The following PSG2 variants were observed in gnomAD, a reference collection of about 807,000 sequenced individuals.
The protein encoded by PSG2 is pregnancy specific beta-1-glycoprotein 2.
Under a neutral mutation model 36.2 loss-of-function variants are expected in PSG2, and 49 were observed. The observed-to-expected ratio is 1.35, with a 90% CI of 1.08 to 1.72. The LOEUF (loss-of-function observed/expected upper bound fraction) is 1.72, where lower values mean the gene tolerates loss of function less well. PSG2 is among the 40% of genes most tolerant of loss of function. The probability of loss-of-function intolerance (pLI) is 0.00; values close to 1 mark genes in which losing one functional copy is unlikely to be tolerated. For missense variants in PSG2, 605 were observed against 407.2 expected, an observed-to-expected ratio of 1.49 and a Z score of -4.18; for synonymous variants, 261 against 155.6, an observed-to-expected ratio of 1.68 and a Z score of -5.04.
chr19:43,068,355 C>G lies in PSG2; in HGVS notation c.965-1755G>C, dbSNP rs990728848. ...TTGAGAGGCTGAAGAAGGAGAATTG[C>G]TTGAGCCCAGGAGGTTGAGGCTGCA... is the stretch of plus-strand genomic sequence containing the variant. On this transcript the variant is annotated intron_variant, in intron 4 of 5. Coordinates refer to ENST00000406487, the MANE Select transcript of PSG2 (RefSeq NM_031246.4). Among the ~76,000 whole-genome samples, 34 of 150,922 alleles carry G rather than the reference C, an allele frequency of 2.3e-4. 1 individual carries two copies. Among genetic ancestry groups the G allele is most frequent in the Non-Finnish European group, 7.4e-5 (5 of 67,856 alleles).
chr19:43,077,902 G>T lies in PSG2; in HGVS notation c.431-2270C>A, dbSNP rs545922232. ...AGCTTTTTTACTTAGTGTTGGAACC[G>T]AGTGACAAATTCCAAGCTTGTTATA... On this transcript the variant is annotated intron_variant, in intron 2 of 5. Coordinates refer to ENST00000406487, the MANE Select transcript of PSG2 (RefSeq NM_031246.4). 7.3e-4 allele frequency among the ~76,000 whole-genome samples: 111 copies of T among 151,740 alleles called. 3 individuals are homozygous for T. Among genetic ancestry groups the T allele is most frequent in the African/African-American group, 2.6e-3 (105 of 41,130 alleles).
intron 2 of PSG2, among the ~76,000 whole-genome samples, chr19:43,079,444 A>C (rs1967940690): frequency 6.6e-6 from 1 of 151,478 alleles, no homozygotes; most frequent in Non-Finnish European, 1.5e-5. Context: ...TGCATCCAAC[A>C]TCCAGTCTCT....
At chr19:43,069,218 C>G (rs1007355479) in intron 4 of PSG2, among the ~76,000 whole-genome samples, 17 of 123,034 alleles carry the variant, frequency 1.4e-4, no homozygotes, top group Non-Finnish European at 1.9e-5. Context: ...AAGATGACAT[C>G]AATAAATTGA....
At position 43,080,505 on chromosome 19, in the gene PSG2, G is replaced by A. The variant is rs543812751; in HGVS notation, c.430+376C>T. Among the ~76,000 whole-genome samples the A allele has an allele frequency of 1.3e-3, 197 of 151,848 alleles. 4 individuals are homozygous for A. Among genetic ancestry groups the A allele is most frequent in the African/African-American group, 4.5e-3 (186 of 41,238 alleles). On this transcript the variant is annotated intron_variant, in intron 2 of 5. Coordinates refer to ENST00000406487, the MANE Select transcript of PSG2 (RefSeq NM_031246.4). Reference sequence around the variant, plus strand: ...CAGGGTTTGGAGGTTGAGGTTTCTAGGGCTGAGCTTCTCTGAGAGTATCTC... The same window carrying A: ...CAGGGTTTGGAGGTTGAGGTTTCTAAGGCTGAGCTTCTCTGAGAGTATCTC...
chr19:43,077,360 G>C (rs1352707346), intron 2 of PSG2, among the ~76,000 whole-genome samples: 1 of 151,738 alleles, frequency 6.6e-6, no homozygotes. Context: ...GAAGTGATGT[G>C]TGTTATGTTA....
chr19:43,072,572 T>A, intron 3 of PSG2: 1 of 1,611,406 alleles, frequency 6.2e-7, no homozygotes, highest in Non-Finnish European at 8.5e-7. Flanking sequence ...GGCTAATACA[T>A]CCTTATTCTC....
rs770853680 is a variant in PSG2 at position 43,081,101 on chromosome 19, C to T, written c.210G>A (p.Gly70=). The T allele has an allele frequency of 1.6e-5, 25 of 1,612,652 alleles. No individual in the cohort carries two copies. Among genetic ancestry groups the T allele is most frequent in the Non-Finnish European group, 2.0e-5 (24 of 1,179,670 alleles). The change falls in exon 2 of 6, where the codon GGG becomes GGA. Residue 70 remains glycine (G), a synonymous_variant. Transcript: ENST00000406487. The stretch of plus-strand genomic sequence containing the variant: ...TGTAATGGTAGAGGTCCCTGATTTG[C>T]CCTTTGTACCAGATGTAGCCAGTAA... ...QNLTGYIWYK[G]QIRDLYHYIT...
chr19:43,075,473 T>A lies in PSG2; in HGVS notation c.590A>T (p.Glu197Val). 5.0e-6 allele frequency: 8 copies of A among 1,613,190 alleles called. No individual in the cohort carries two copies. Among genetic ancestry groups the A allele is most frequent in the Non-Finnish European group, 6.8e-6 (8 of 1,179,684 alleles). Residue 197 changes from glutamate to valine, a missense_variant, in exon 3 of 6, where the codon GAA (glutamate) becomes GTA (valine). Transcript: ENST00000406487. ...LPMTHRFQLS[E>V]TNRTLFLFGV... The stretch of plus-strand genomic sequence containing the variant: ...AAATAGAAAGAGGGTCCTGTTGGTT[T>A]CGGACAGCTGAAACCTATGAGTCAT...
intron 4 of PSG2, among the ~76,000 whole-genome samples, chr19:43,069,788 T>A: frequency 6.6e-6 from 1 of 151,708 alleles, no homozygotes; most frequent in East Asian, 1.9e-4. Flanking sequence ...TCACAATGAT[T>A]TCCTGGTTGT....
At chr19:43,078,852 G>T (rs1404011544) in intron 2 of PSG2, among the ~76,000 whole-genome samples, 4 of 151,604 alleles carry the variant, frequency 2.6e-5, no homozygotes, top group African/African-American at 9.7e-5. Flanking sequence ...TGGTTGGAGG[G>T]ACTTCCTATC....
At chr19:43,065,229 A>T (rs1057294375) in intron 5 of PSG2, among the ~76,000 whole-genome samples, 12 of 151,588 alleles carry the variant, frequency 7.9e-5, no homozygotes, top group Admixed American at 1.3e-4. Context: ...TATAAATTTA[A>T]TATATAAAAT....
chr19:43,082,392 A>C, intron 1 of PSG2, 114 bp downstream of exon 1: 1 of 1,491,956 alleles, frequency 6.7e-7, no homozygotes, highest in Middle Eastern at 2.1e-4. Context: ...CACCCACCTC[A>C]GCCTCCCTAA....
intron 3 of PSG2, chr19:43,072,637 G>T (rs1253510774): frequency 1.2e-6 from 2 of 1,610,790 alleles, no homozygotes; most frequent in Non-Finnish European, 1.7e-6. Flanking sequence ...TCGCTGTGTG[G>T]ATAACAGAGA....
chr19:43,073,877 G>C (rs1195754382), intron 3 of PSG2, among the ~76,000 whole-genome samples: 1 of 151,722 alleles, frequency 6.6e-6, no homozygotes, highest in Non-Finnish European at 1.5e-5. Context: ...TACTGGTTTA[G>C]CATCCCAAAT....
In PSG2 at chr19:43,072,810, C is replaced by T. The variant is rs192213570; in HGVS notation, c.710-856G>A. 2.2e-3 allele frequency among the ~76,000 whole-genome samples: 331 copies of T among 151,796 alleles called. 9 individuals carry two copies. The highest frequency in any genetic ancestry group is 5.4e-3 in the South Asian group (26 of 4,816). ...TCTAAGGGCTCAAAGACTGTGAGGC[C>T]GCCTGCTCTGTCTTAGGAAAGCACA... On this transcript the variant is annotated intron_variant, in intron 3 of 5. Coordinates refer to ENST00000406487, the MANE Select transcript of PSG2 (RefSeq NM_031246.4).
At chr19:43,067,085 A>C (rs957779982) in intron 4 of PSG2, among the ~76,000 whole-genome samples, 9 of 151,356 alleles carry the variant, frequency 5.9e-5, no homozygotes, top group Non-Finnish European at 1.2e-4. Flanking sequence ...GTGTGAAAGC[A>C]AGCCTAGTTC....
rs768015157 is a variant in PSG2 at position 43,075,571 on chromosome 19, A to T, written c.492T>A (p.Thr164=). 3.7e-6 allele frequency: 6 copies of T among 1,613,300 alleles called. No individual in the cohort carries two copies. The East Asian group carries it at 1.1e-4, about 30-fold the overall frequency. Residue 164 remains threonine, a synonymous_variant, in exon 3 of 6, where the codon ACT becomes ACA. Transcript: ENST00000406487. ...SNLNPREAME[T]VILTCDPETP... ...TCTCAGGATCACAGGTTAAGATCAC[A>T]GTTTCCATGGCCTCCCTGGGGTTTA...
chr19:43,079,654 GGTTAAGATCTGAGAGGGA>G (rs371965111), intron 2 of PSG2, among the ~76,000 whole-genome samples: 15,163 of 151,502 alleles, frequency 0.1, 1,008 homozygotes, highest in Admixed American at 0.15. Flanking sequence ...CAGTGATGGG[GGTTAAGATCTGAGAGGGA>G]GGCCTGCTCA....
intron 3 of PSG2, chr19:43,072,698 CAG>C (rs1266353233): frequency 1.6e-5 from 25 of 1,584,434 alleles, no homozygotes; most frequent in Middle Eastern, 2.2e-4. Flanking sequence ...ATCCTTCAAT[CAG>C]AGTTACCATC....
Sources: allele counts gnomAD v4.1 joint callset (sites outside exome capture counted in the v4.1 genomes callset), GRCh38; gene constraint gnomAD v4.1.1; transcripts MANE v1.5; gene names NCBI Gene and HGNC (gene_info 2026-07-23, HGNC 2026-07-21).